The following ARHGAP6 variants were observed in gnomAD, a reference collection of about 807,000 sequenced individuals.
The protein encoded by ARHGAP6 is rho GTPase-activating protein 6.
ARHGAP6 carries 16 observed loss-of-function variants against 55.7 expected under a neutral mutation model. The observed-to-expected ratio is 0.29, with a 90% CI of 0.19 to 0.44. ARHGAP6 has a LOEUF of 0.44. Ranked by LOEUF, ARHGAP6 falls within the 20% of genes least tolerant of loss-of-function variation. The probability of loss-of-function intolerance (pLI) is 1.00; values close to 1 mark genes in which losing one functional copy is unlikely to be tolerated. For missense variants in ARHGAP6, 698 were observed against 808.9 expected, an observed-to-expected ratio of 0.86 and a Z score of 1.66; for synonymous variants, 382 against 360.9, an observed-to-expected ratio of 1.06 and a Z score of -0.66.
At chrX:11,184,086 A>G (rs1249513080) in intron 5 of ARHGAP6, among the ~76,000 whole-genome samples, 1 of 111,976 alleles carries the variant, frequency 8.9e-6, no homozygotes, top group Non-Finnish European at 1.9e-5. Context: ...ACATCGTTTG[A>G]ATCCTGGATC....
intron 1 of ARHGAP6, among the ~76,000 whole-genome samples, chrX:11,494,559 T>C: frequency 8.9e-6 from 1 of 112,807 alleles, no homozygotes; most frequent in Non-Finnish European, 1.9e-5. Context: ...AGAGATTTGG[T>C]TCCTGAAAAG....
Position 11,660,554 on chromosome X carries a change from A to C in ARHGAP6, c.588+3687T>G, listed in dbSNP as rs970228409. On this transcript the variant is annotated intron_variant, in intron 1 of 12. Transcript: ENST00000337414. Reference sequence around the variant, plus strand: ...TCAAAAAAAAAAAAAAAAAAAAAAAAAAAAAAAAAAAAAAAAAAAAAAAAC... The same window carrying C: ...TCAAAAAAAAAAAAAAAAAAAAAAACAAAAAAAAAAAAAAAAAAAAAAAAC... Among the ~76,000 whole-genome samples the C allele has an allele frequency of 1.8e-3, 155 of 85,028 alleles. 5 individuals are homozygous for C. Among genetic ancestry groups the C allele is most frequent in the African/African-American group, 7.2e-3 (146 of 20,358 alleles). 73.8% of individuals were successfully genotyped at this position (85,028 alleles called of 115,157 possible).
At chrX:11,251,723 G>A (rs1278102367) in intron 2 of ARHGAP6, among the ~76,000 whole-genome samples, 1 of 111,804 alleles carries the variant, frequency 8.9e-6, no homozygotes, top group Non-Finnish European at 1.9e-5. Context: ...TTCACACAGT[G>A]AATCTGACCC....
chrX:11,429,628 C>T (rs1276484722), intron 1 of ARHGAP6, among the ~76,000 whole-genome samples: 1 of 112,421 alleles, frequency 8.9e-6, no homozygotes, highest in East Asian at 2.8e-4. Context: ...CTTTCATTCT[C>T]CCACAGCCTG....
intron 6 of ARHGAP6, among the ~76,000 whole-genome samples, chrX:11,179,704 C>T (rs1185081901): frequency 9.9e-6 from 1 of 100,685 alleles, no homozygotes; most frequent in East Asian, 3.0e-4. Context: ...TACATATATA[C>T]AATATATGTA....
chrX:11,648,737 T>C (rs190875979), intron 1 of ARHGAP6, among the ~76,000 whole-genome samples: 207 of 111,986 alleles, frequency 1.8e-3, no homozygotes, highest in South Asian at 0.01. Context: ...GATTTGATCC[T>C]AGGCTTGTCT....
At chrX:11,511,888 A>G (rs753387817) in intron 1 of ARHGAP6, among the ~76,000 whole-genome samples, 4 of 111,063 alleles carry the variant, frequency 3.6e-5, no homozygotes, top group Admixed American at 2.9e-4. Flanking sequence ...GTCCAGTGGC[A>G]TGATCTCAGC....
intron 2 of ARHGAP6, 58 bp downstream of exon 2, chrX:11,254,490 G>C: frequency 4.3e-6 from 5 of 1,169,499 alleles, no homozygotes; most frequent in Non-Finnish European, 5.7e-6. Context: ...TCACGGCTTT[G>C]GCAGAGCCAA....
intron 1 of ARHGAP6, among the ~76,000 whole-genome samples, chrX:11,591,502 A>C (rs928212717): frequency 9.0e-6 from 1 of 111,154 alleles, no homozygotes; most frequent in Non-Finnish European, 1.9e-5. Context: ...TGAATGGATA[A>C]AAAGTGCTCA....
intron 1 of ARHGAP6, among the ~76,000 whole-genome samples, chrX:11,378,203 GTTTC>G (rs1441809653): frequency 8.9e-6 from 1 of 112,427 alleles, no homozygotes; most frequent in Non-Finnish European, 1.9e-5. Flanking sequence ...GATTTTCATT[GTTTC>G]TTTGTTTAAC....
At chrX:11,381,348 G>A (rs1384726971) in intron 1 of ARHGAP6, among the ~76,000 whole-genome samples, 1 of 112,237 alleles carries the variant, frequency 8.9e-6, no homozygotes, top group Non-Finnish European at 1.9e-5. Context: ...TTAAAATCTA[G>A]TTCCATGGCT....
At chrX:11,270,665 A>T (rs749883016) in intron 1 of ARHGAP6, among the ~76,000 whole-genome samples, 32 of 111,830 alleles carry the variant, frequency 2.9e-4, no homozygotes, top group African/African-American at 1.0e-3. Context: ...TAGGAAGGGG[A>T]TAAAGAGAGG....
intron 1 of ARHGAP6, among the ~76,000 whole-genome samples, chrX:11,358,065 G>A (rs756840366): frequency 1.8e-5 from 2 of 111,325 alleles, no homozygotes; most frequent in Non-Finnish European, 3.8e-5. Context: ...TCAACCCCTA[G>A]CAACCATGAA....
chrX:11,265,747 A>G (rs754508913), intron 1 of ARHGAP6: 20 of 922,512 alleles, frequency 2.2e-5, no homozygotes, highest in Non-Finnish European at 2.6e-5. Flanking sequence ...CTAAGCTTGC[A>G]GTAGGAAGTT....
intron 1 of ARHGAP6, among the ~76,000 whole-genome samples, chrX:11,405,376 A>G (rs749536414): frequency 7.1e-5 from 8 of 112,171 alleles, no homozygotes; most frequent in African/African-American, 2.3e-4. Context: ...TTTTCCTTCT[A>G]TAAGACAAAT....
At chrX:11,185,462 G>T (rs1392277790) in intron 5 of ARHGAP6, among the ~76,000 whole-genome samples, 1 of 111,381 alleles carries the variant, frequency 9.0e-6, no homozygotes, top group African/African-American at 3.3e-5. Flanking sequence ...TATCTATATG[G>T]TAGCCTCAGA....
chrX:11,538,768 A>G (rs1364216761), intron 1 of ARHGAP6, among the ~76,000 whole-genome samples: 1 of 110,070 alleles, frequency 9.1e-6, no homozygotes, highest in African/African-American at 3.3e-5. Flanking sequence ...AAAGATCAAG[A>G]TTTCTCAACC....
At chrX:11,656,133 G>T (rs919893064) in intron 1 of ARHGAP6, among the ~76,000 whole-genome samples, 1 of 112,385 alleles carries the variant, frequency 8.9e-6, no homozygotes, top group African/African-American at 3.2e-5. Flanking sequence ...TACATTAAAT[G>T]GTAAAATCCA....
rs186019507 is a variant in ARHGAP6, at chrX:11,396,363, C to A, written c.589-141656G>T. Among the ~76,000 whole-genome samples the A allele has an allele frequency of 3.6e-5, 4 of 110,777 alleles. No individual in the cohort carries two copies. In the Admixed American group the frequency reaches 3.9e-4, roughly 11 times the overall value. ...CCAGCATGCCTGGTGTTTCCTAAATCCCTTTTCAATTGCCCTTCTTACACC... is the reference window on the plus strand; with the variant it reads ...CCAGCATGCCTGGTGTTTCCTAAATACCTTTTCAATTGCCCTTCTTACACC... On this transcript the variant is annotated intron_variant, in intron 1 of 12. Transcript: ENST00000337414.
Sources: allele counts gnomAD v4.1 joint callset (sites outside exome capture counted in the v4.1 genomes callset), GRCh38; gene constraint gnomAD v4.1.1; transcripts MANE v1.5; gene names NCBI Gene and HGNC (gene_info 2026-07-23, HGNC 2026-07-21).